The following SLC7A1 variants were observed in gnomAD, a reference collection of about 807,000 sequenced individuals.
The protein encoded by SLC7A1 is high affinity cationic amino acid transporter 1.
SLC7A1 carries 10 observed loss-of-function variants against 53.9 expected under a neutral mutation model. The ratio of observed to expected loss-of-function variants is 0.19; its 90% CI spans 0.11 to 0.31. SLC7A1 has a LOEUF of 0.31. Among genes scored for constraint, SLC7A1 ranks in the 10% least tolerant of loss-of-function variants. SLC7A1 has a pLI of 1.00. For missense variants in SLC7A1, 525 were observed against 827.2 expected (o/e 0.63, Z 4.48); for synonymous variants, 342 against 338.7 (o/e 1.01, Z -0.11).
chr13:29,562,115 T>C (rs1352001226), intron 1 of SLC7A1, among the ~76,000 whole-genome samples: 1 of 152,200 alleles, frequency 6.6e-6, no homozygotes, highest in African/African-American at 2.4e-5. Flanking sequence ...CATCCCAGCA[T>C]AGCATATTCT....
chr13:29,592,458 A>G (rs1034599465), intron 1 of SLC7A1, among the ~76,000 whole-genome samples: 1 of 152,242 alleles, frequency 6.6e-6, no homozygotes, highest in Non-Finnish European at 1.5e-5. Context: ...GCACATCTGA[A>G]CGAATGCCTT....
At chr13:29,583,208 G>A (rs145139142) in intron 1 of SLC7A1, among the ~76,000 whole-genome samples, 1 of 152,342 alleles carries the variant, frequency 6.6e-6, no homozygotes, top group East Asian at 1.9e-4. Context: ...CACAGTAAAA[G>A]TGTGCCCCCA....
intron 1 of SLC7A1, among the ~76,000 whole-genome samples, chr13:29,574,224 T>C (rs144516133): frequency 1.2e-4 from 19 of 152,330 alleles, no homozygotes; most frequent in Non-Finnish European, 2.1e-4. Flanking sequence ...TGACATTCTC[T>C]TTCATTCACT....
chr13:29,526,391 G>C lies in SLC7A1; in HGVS notation c.705-2138C>G, dbSNP rs558640135. 7.4e-4 allele frequency among the ~76,000 whole-genome samples: 113 copies of C among 152,214 alleles called. No individual in the cohort carries two copies. The South Asian group carries it at 0.022, about 30-fold the overall frequency. ...GGAAACTGAGGCAAGAGGATTGCTC[G>C]AGCCCAGGAGTTTGAGGCTGCTTTG... On this transcript the variant is annotated intron_variant, in intron 5 of 12. Transcript: ENST00000380752.
chr13:29,534,690 T>C (rs554836607), intron 3 of SLC7A1, among the ~76,000 whole-genome samples: 2 of 152,132 alleles, frequency 1.3e-5, no homozygotes, highest in East Asian at 3.9e-4. Context: ...GCAGCATGTG[T>C]GGCCAGGGAG....
At chr13:29,550,785 G>C (rs1345068606) in intron 2 of SLC7A1, among the ~76,000 whole-genome samples, 1 of 152,190 alleles carries the variant, frequency 6.6e-6, no homozygotes, top group African/African-American at 2.4e-5. Context: ...GCTGATTCCT[G>C]GCCCACAGAA....
intron 2 of SLC7A1, among the ~76,000 whole-genome samples, chr13:29,542,837 T>A (rs1593555543): frequency 6.6e-6 from 1 of 151,202 alleles, no homozygotes; most frequent in South Asian, 2.1e-4. Context: ...ACTTGTGCAG[T>A]GAGCGGCAGA....
chr13:29,592,704 T>A (rs1282174544), intron 1 of SLC7A1, among the ~76,000 whole-genome samples: 1 of 152,134 alleles, frequency 6.6e-6, no homozygotes, highest in African/African-American at 2.4e-5. Flanking sequence ...ACAAGGCAGA[T>A]AATCTGCCAC....
chr13:29,539,111 G>A (rs1242101857), intron 2 of SLC7A1, among the ~76,000 whole-genome samples: 1 of 152,080 alleles, frequency 6.6e-6, no homozygotes, highest in Non-Finnish European at 1.5e-5. Flanking sequence ...GCGCCCAGAA[G>A]GTGAGAAGGG....
intron 2 of SLC7A1, among the ~76,000 whole-genome samples, chr13:29,547,539 G>C (rs989860003): frequency 6.6e-6 from 1 of 152,222 alleles, no homozygotes; most frequent in African/African-American, 2.4e-5. Context: ...ATAAAAATAA[G>C]TGTATACAAA....
At chr13:29,593,798 T>C (rs141583334) in intron 1 of SLC7A1, among the ~76,000 whole-genome samples, 14 of 152,228 alleles carry the variant, frequency 9.2e-5, no homozygotes, top group African/African-American at 3.1e-4. Context: ...TAATCATATG[T>C]ACAGGAGCAC....
At chr13:29,546,963 G>A (rs894088961) in intron 2 of SLC7A1, among the ~76,000 whole-genome samples, 12 of 152,152 alleles carry the variant, frequency 7.9e-5, no homozygotes, top group African/African-American at 2.9e-4. Context: ...ATAAGAGCGC[G>A]GAGTGTAGCT....
At position 29,534,146 on chromosome 13, in the gene SLC7A1, C is replaced by T. The variant is rs1328446310; in HGVS notation, c.371-1164G>A. 4.6e-5 allele frequency among the ~76,000 whole-genome samples: 7 copies of T among 152,298 alleles called. No individual in the cohort carries two copies. The East Asian group carries it at 9.6e-4, about 21-fold the overall frequency. ...TGCTCAGTGACAGGGGCTACCCCAG[C>T]CTTTCTTCCCAGCCTATCCACTCCC... On this transcript the variant is annotated intron_variant, in intron 3 of 12. Coordinates refer to ENST00000380752, the MANE Select transcript of SLC7A1 (RefSeq NM_003045.5).
chr13:29,586,557 G>A (rs1357192457), intron 1 of SLC7A1, among the ~76,000 whole-genome samples: 1 of 152,088 alleles, frequency 6.6e-6, no homozygotes, highest in African/African-American at 2.4e-5. Flanking sequence ...ATTCTTACTG[G>A]CTACATAGTA....
chr13:29,544,662 A>AG (rs1326744543), intron 2 of SLC7A1, among the ~76,000 whole-genome samples: 1 of 152,178 alleles, frequency 6.6e-6, no homozygotes, highest in Non-Finnish European at 1.5e-5. Context: ...AACGTCCCCA[A>AG]GGGCATTTGA....
rs941354382 is a variant in SLC7A1, at chr13:29,536,010, T to C, written c.179A>G (p.Glu60Gly). 6.2e-6 allele frequency: 10 copies of C among 1,613,824 alleles called. No individual in the cohort carries two copies. The highest frequency in any genetic ancestry group is 7.6e-6 in the Non-Finnish European group (9 of 1,180,014). Residue 60 changes from glutamate (E) to glycine (G), a missense_variant, in exon 3 of 13, where the codon GAG becomes GGG. Physicochemically the swap from Glu to Gly is moderately conservative, Grantham distance 98 (BLOSUM62 -2). Around this residue, in one of 4 missense-constraint regions of SLC7A1, gnomAD observed 354 missense variants for 587.5 expected, o/e 0.60. Coordinates refer to ENST00000380752, the MANE Select transcript of SLC7A1 (RefSeq NM_003045.5). ...VYVLAGAVARENAGPAIVISF... is the reference protein window; with the variant it reads ...VYVLAGAVARGNAGPAIVISF... ...GATGACAATGGCAGGGCCTGCATTC[T>C]CACGGGCCACAGCTCCAGCCAGGAC... is the stretch of plus-strand genomic sequence containing the variant.
intron 1 of SLC7A1, among the ~76,000 whole-genome samples, chr13:29,591,443 A>T (rs1872105730): frequency 6.6e-6 from 1 of 152,152 alleles, no homozygotes; most frequent in Non-Finnish European, 1.5e-5. Flanking sequence ...TAGAAGCCCC[A>T]TAACCTCATG....
intron 2 of SLC7A1, among the ~76,000 whole-genome samples, chr13:29,549,859 G>T (rs1283851021): frequency 1.3e-5 from 2 of 152,118 alleles, no homozygotes; most frequent in Non-Finnish European, 2.9e-5. Context: ...TAGAGACGGG[G>T]TTTCACCATG....
intron 9 of SLC7A1, 55 bp from the exon 10 acceptor site, chr13:29,517,845 C>A (rs1346722481): frequency 2.8e-6 from 4 of 1,426,624 alleles, no homozygotes; most frequent in Non-Finnish European, 4.0e-6. Flanking sequence ...AAATGACGTG[C>A]ACCAACTCAA....
Sources: allele counts gnomAD v4.1 joint callset (sites outside exome capture counted in the v4.1 genomes callset), GRCh38; gene constraint gnomAD v4.1.1; regional missense constraint gnomAD v4.1.1; transcripts MANE v1.5; gene names NCBI Gene and HGNC (gene_info 2026-07-23, HGNC 2026-07-21).